The following CCSER1 variants were observed in gnomAD, a reference collection of about 807,000 sequenced individuals.
CCSER1 encodes coiled-coil serine rich protein 1, also known as serine-rich coiled-coil domain-containing protein 1.
CCSER1 carries 41 observed loss-of-function variants against 82.0 expected under a neutral mutation model. The observed-to-expected ratio is 0.50, with a 90% CI of 0.39 to 0.65. The LOEUF is 0.65. CCSER1 is among the 30% of genes least tolerant of loss of function. The probability of loss-of-function intolerance (pLI) is 0.00; values close to 1 mark genes in which losing one functional copy is unlikely to be tolerated. For synonymous variants in CCSER1, 414 were observed against 383.9 expected (o/e 1.08, Z -0.92); for missense variants, 1,119 against 1,064.2 (o/e 1.05, Z -0.72).
chr4:91,471,779 C>T (rs908257030), intron 10 of CCSER1, among the ~76,000 whole-genome samples: 8 of 151,832 alleles, frequency 5.3e-5, no homozygotes, highest in African/African-American at 1.7e-4. Flanking sequence ...ACCATCCTGG[C>T]TAATACAGTG....
chr4:90,188,989 A>C (rs891591237), intron 1 of CCSER1, among the ~76,000 whole-genome samples: 1 of 151,180 alleles, frequency 6.6e-6, no homozygotes, highest in Non-Finnish European at 1.5e-5. Context: ...GTAGATATGA[A>C]AAAATGTAGT....
chr4:90,794,933 C>G (rs1755784664), intron 7 of CCSER1, among the ~76,000 whole-genome samples: 1 of 152,016 alleles, frequency 6.6e-6, no homozygotes, highest in African/African-American at 2.4e-5. Flanking sequence ...TGTGTGGCAA[C>G]TGTAAATTGG....
chr4:91,297,172 A>G (rs10033018), intron 10 of CCSER1, among the ~76,000 whole-genome samples: 24,893 of 151,808 alleles, frequency 0.16, 2,087 homozygotes, highest in Admixed American at 0.18. Flanking sequence ...ATCCTCTGAG[A>G]AATTTCTTAG....
At chr4:90,243,889 T>G (rs1720909177) in intron 1 of CCSER1, among the ~76,000 whole-genome samples, 1 of 152,110 alleles carries the variant, frequency 6.6e-6, no homozygotes, top group African/African-American at 2.4e-5. Flanking sequence ...ATTTTCCTGT[T>G]AACCTCTTGG....
chr4:90,556,857 T>G (rs904618245), intron 5 of CCSER1, among the ~76,000 whole-genome samples: 1 of 147,092 alleles, frequency 6.8e-6, no homozygotes, highest in Non-Finnish European at 1.5e-5. Flanking sequence ...TATATGTGTA[T>G]ATATATATAT....
intron 1 of CCSER1, among the ~76,000 whole-genome samples, chr4:90,296,470 T>C (rs1450280997): frequency 6.6e-6 from 1 of 152,184 alleles, no homozygotes; most frequent in Non-Finnish European, 1.5e-5. Context: ...GTGGCTTCTT[T>C]TGCTGTGCAG....
intron 10 of CCSER1, among the ~76,000 whole-genome samples, chr4:91,116,443 C>A (rs1404661514): frequency 6.6e-6 from 1 of 152,108 alleles, no homozygotes; most frequent in Non-Finnish European, 1.5e-5. Flanking sequence ...GCGAACAAAT[C>A]CCTGCTAGGT....
chr4:90,295,724 C>T (rs1032126258), intron 1 of CCSER1, among the ~76,000 whole-genome samples: 5 of 152,006 alleles, frequency 3.3e-5, no homozygotes, highest in Admixed American at 2.0e-4. Flanking sequence ...CAAAGACCAG[C>T]CCCTGTCTTA....
chr4:90,427,767 ATATATT>A (rs1191543940), intron 4 of CCSER1, among the ~76,000 whole-genome samples: 1 of 151,732 alleles, frequency 6.6e-6, no homozygotes, highest in Non-Finnish European at 1.5e-5. Flanking sequence ...ATTCAGTAAT[ATATATT>A]TATATGTGCT....
At chr4:90,850,602 TG>T (rs1763763720) in intron 8 of CCSER1, among the ~76,000 whole-genome samples, 1 of 152,244 alleles carries the variant, frequency 6.6e-6, no homozygotes, top group African/African-American at 2.4e-5. Flanking sequence ...TGGACTTGCA[TG>T]GGGCCTATAG....
chr4:91,144,913 G>A (rs1426889088), intron 10 of CCSER1, among the ~76,000 whole-genome samples: 1 of 151,948 alleles, frequency 6.6e-6, no homozygotes, highest in Non-Finnish European at 1.5e-5. Flanking sequence ...TGTACTGTGT[G>A]CAGATGAGAA....
At chr4:91,100,982 A>G (rs1224509063) in intron 10 of CCSER1, among the ~76,000 whole-genome samples, 1 of 152,316 alleles carries the variant, frequency 6.6e-6, no homozygotes, top group East Asian at 1.9e-4. Context: ...GATCAGATAT[A>G]TGCCTAGAGT....
At chr4:90,157,967 C>G (rs955457175) in intron 1 of CCSER1, among the ~76,000 whole-genome samples, 1 of 152,072 alleles carries the variant, frequency 6.6e-6, no homozygotes, top group South Asian at 2.1e-4. Context: ...TTAGAGTTTC[C>G]AGTTTTTCTG....
chr4:91,001,311 A>T (rs1269640942), intron 9 of CCSER1, among the ~76,000 whole-genome samples: 1 of 152,106 alleles, frequency 6.6e-6, no homozygotes, highest in Non-Finnish European at 1.5e-5. Context: ...TTAGTTTCCT[A>T]ATATTTCTTT....
intron 10 of CCSER1, among the ~76,000 whole-genome samples, chr4:91,498,054 C>T (rs926630242): frequency 1.3e-5 from 2 of 151,952 alleles, no homozygotes; most frequent in African/African-American, 4.8e-5. Context: ...AGCACAGCTT[C>T]GCTGTGCATC....
chr4:91,544,126 T>C (rs978002620), intron 10 of CCSER1, among the ~76,000 whole-genome samples: 1 of 152,134 alleles, frequency 6.6e-6, no homozygotes, highest in Non-Finnish European at 1.5e-5. Context: ...CGTCATGTAG[T>C]TCTCGTGCAA....
At chr4:91,525,098 A>G (rs754519332) in intron 10 of CCSER1, among the ~76,000 whole-genome samples, 2 of 152,112 alleles carry the variant, frequency 1.3e-5, no homozygotes, top group African/African-American at 2.4e-5. Context: ...GAATCTCCAC[A>G]GTGAGGGAGA....
intron 1 of CCSER1, among the ~76,000 whole-genome samples, chr4:90,299,313 A>G (rs1361061929): frequency 6.6e-6 from 1 of 152,074 alleles, no homozygotes; most frequent in Non-Finnish European, 1.5e-5. Context: ...GTTTTGTGTC[A>G]ATTCATTTTT....
intron 10 of CCSER1, among the ~76,000 whole-genome samples, chr4:91,130,623 A>T (rs2148907870): frequency 6.6e-6 from 1 of 151,994 alleles, no homozygotes; most frequent in South Asian, 2.1e-4. Flanking sequence ...CACAAAATAT[A>T]TTTGATATAT....
Sources: gnomAD v4.1 joint callset for allele counts (sites outside exome capture counted in the v4.1 genomes callset) on GRCh38, gnomAD v4.1.1 for gene constraint, MANE v1.5 for transcripts, NCBI Gene and HGNC (gene_info 2026-07-23, HGNC 2026-07-21) for gene names.